Variants in CTNND2 observed in about 807,000 individuals in gnomAD.
CTNND2 encodes catenin delta 2, also known as catenin delta-2.
Under a neutral mutation model 144.4 loss-of-function variants are expected in CTNND2, and 22 were observed. The ratio of observed to expected loss-of-function variants is 0.15; its 90% CI spans 0.11 to 0.22. The LOEUF (loss-of-function observed/expected upper bound fraction) is 0.22, where lower values mean the gene tolerates loss of function less well. Among genes scored for constraint, CTNND2 ranks in the 10% least tolerant of loss-of-function variants. CTNND2 has a pLI of 1.00. For missense variants in CTNND2, 1,353 were observed against 1,618.8 expected (o/e 0.84, Z 2.82); for synonymous variants, 751 against 695.6 (o/e 1.08, Z -1.25).
intron 1 of CTNND2, among the ~76,000 whole-genome samples, chr5:11,876,558 T>C (rs967867343): frequency 6.6e-6 from 1 of 152,006 alleles, no homozygotes; most frequent in Admixed American, 6.6e-5. Context: ...AAAAAGCACA[T>C]AAATATTTAA....
At chr5:11,274,917 ATCTT>A (rs1013398378) in intron 9 of CTNND2, among the ~76,000 whole-genome samples, 1 of 152,154 alleles carries the variant, frequency 6.6e-6, no homozygotes, top group African/African-American at 2.4e-5. Context: ...CATTCTAAAA[ATCTT>A]TCTGTTGCAA....
At chr5:11,867,803 C>T (rs1408218959) in intron 1 of CTNND2, among the ~76,000 whole-genome samples, 1 of 151,972 alleles carries the variant, frequency 6.6e-6, no homozygotes, top group Admixed American at 6.6e-5. Flanking sequence ...CCTAGTAAAA[C>T]ACCAACTTAC....
intron 2 of CTNND2, among the ~76,000 whole-genome samples, chr5:11,628,873 C>T (rs949533581): frequency 6.6e-6 from 1 of 152,086 alleles, no homozygotes; most frequent in African/African-American, 2.4e-5. Flanking sequence ...ATGCAAATGG[C>T]ACTTTTACTT....
At chr5:11,267,881 C>G (rs1745616099) in intron 9 of CTNND2, among the ~76,000 whole-genome samples, 1 of 152,068 alleles carries the variant, frequency 6.6e-6, no homozygotes, top group Admixed American at 6.6e-5. Flanking sequence ...AACGTGAAGT[C>G]ATAGTATGAT....
chr5:11,393,652 C>T (rs1430263200), intron 6 of CTNND2, among the ~76,000 whole-genome samples: 1 of 152,104 alleles, frequency 6.6e-6, no homozygotes, highest in African/African-American at 2.4e-5. Flanking sequence ...AAACATCAGT[C>T]TGGTTTTGGC....
intron 1 of CTNND2, among the ~76,000 whole-genome samples, chr5:11,869,846 G>A (rs776373923): frequency 6.6e-6 from 1 of 152,114 alleles, no homozygotes; most frequent in Non-Finnish European, 1.5e-5. Flanking sequence ...TCCTTTTCCT[G>A]TGCCAGAAGG....
chr5:11,281,095 G>C (rs1341244848), intron 9 of CTNND2, among the ~76,000 whole-genome samples: 1 of 152,210 alleles, frequency 6.6e-6, no homozygotes, highest in Non-Finnish European at 1.5e-5. Flanking sequence ...CATGTAGCTA[G>C]TGTATTGCAA....
intron 16 of CTNND2, among the ~76,000 whole-genome samples, chr5:11,032,988 A>G (rs1417456454): frequency 2.0e-5 from 3 of 152,210 alleles, no homozygotes; most frequent in Admixed American, 2.0e-4. Context: ...ATATACTGCA[A>G]TGTTAATTTC....
intron 3 of CTNND2, among the ~76,000 whole-genome samples, chr5:11,433,187 A>C (rs540811652): frequency 6.6e-6 from 1 of 152,336 alleles, no homozygotes; most frequent in South Asian, 2.1e-4. Flanking sequence ...CAGAGCTTGC[A>C]GTGAGCCCAG....
chr5:11,217,124 G>T (rs1265326770), intron 10 of CTNND2, among the ~76,000 whole-genome samples: 1 of 152,150 alleles, frequency 6.6e-6, no homozygotes, highest in Non-Finnish European at 1.5e-5. Flanking sequence ...ACAAACCACT[G>T]TTAAATGACT....
intron 3 of CTNND2, among the ~76,000 whole-genome samples, chr5:11,456,496 G>C (rs1581236176): frequency 6.6e-6 from 1 of 152,090 alleles, no homozygotes; most frequent in Non-Finnish European, 1.5e-5. Flanking sequence ...ACTACGTCAC[G>C]TGAGTTGAGG....
In CTNND2 at chr5:11,783,460, G is replaced by A. The variant is rs947067352; in HGVS notation, c.38-51188C>T. Reference sequence around the variant, plus strand: ...AGTTGACCAAAGGCATCCTCAGTGGGTTGGTCTAGCCATGTATGTGCTTCC... The same window carrying A: ...AGTTGACCAAAGGCATCCTCAGTGGATTGGTCTAGCCATGTATGTGCTTCC... On this transcript the variant is annotated intron_variant, in intron 1 of 21. Coordinates refer to ENST00000304623, the MANE Select transcript of CTNND2 (RefSeq NM_001332.4). Among the ~76,000 whole-genome samples the A allele has an allele frequency of 4.6e-5, 7 of 152,218 alleles. No individual in the cohort carries two copies. In the South Asian group the frequency reaches 1.0e-3, roughly 23 times the overall value.
intron 3 of CTNND2, among the ~76,000 whole-genome samples, chr5:11,479,536 A>C (rs762208657): frequency 2.6e-5 from 4 of 152,192 alleles, no homozygotes; most frequent in Non-Finnish European, 4.4e-5. Flanking sequence ...TGCTGCGTCC[A>C]ATGGTAGTTC....
chr5:11,345,443 G>GCCTTTTATATTT (rs1754672807), intron 9 of CTNND2, among the ~76,000 whole-genome samples: 2 of 152,072 alleles, frequency 1.3e-5, no homozygotes, highest in African/African-American at 4.8e-5. Context: ...ATCCCATTCT[G>GCCTTTTATATTT]CCTTTTATAT....
intron 3 of CTNND2, among the ~76,000 whole-genome samples, chr5:11,421,226 G>C (rs1762336959): frequency 6.6e-6 from 1 of 152,172 alleles, no homozygotes; most frequent in Non-Finnish European, 1.5e-5. Context: ...AAGGAAAGTG[G>C]TAGCTCCAGT....
At chr5:11,242,886 T>C (rs1742599695) in intron 9 of CTNND2, among the ~76,000 whole-genome samples, 1 of 152,128 alleles carries the variant, frequency 6.6e-6, no homozygotes, top group South Asian at 2.1e-4. Context: ...GATCAATATA[T>C]AAAGAATAAT....
intron 3 of CTNND2, among the ~76,000 whole-genome samples, chr5:11,553,648 C>T (rs1337697221): frequency 3.9e-5 from 6 of 152,052 alleles, no homozygotes; most frequent in Non-Finnish European, 8.8e-5. Flanking sequence ...ATTTAGCTAT[C>T]ATTTATGGAA....
chr5:11,132,969 G>A (rs554385980), intron 12 of CTNND2, among the ~76,000 whole-genome samples: 1 of 112,784 alleles, frequency 8.9e-6, no homozygotes, highest in Non-Finnish European at 1.9e-5. Context: ...AGAAAATCCG[G>A]ACTCCAGTTA....
At chr5:11,580,121 ATT>A (rs58848834) in intron 2 of CTNND2, among the ~76,000 whole-genome samples, 12 of 148,152 alleles carry the variant, frequency 8.1e-5, no homozygotes, top group Admixed American at 2.0e-4. Context: ...AACTTAGGCC[ATT>A]TTTTTTTTTC....
Sources: gnomAD v4.1 joint callset for allele counts (sites outside exome capture counted in the v4.1 genomes callset) on GRCh38, gnomAD v4.1.1 for gene constraint, MANE v1.5 for transcripts, NCBI Gene and HGNC (gene_info 2026-07-23, HGNC 2026-07-21) for gene names.